The following SEC22C variants were observed in gnomAD, a reference collection of about 807,000 sequenced individuals.
The protein encoded by SEC22C is SEC22 homolog C, vesicle trafficking protein.
A neutral mutation model predicts 34.7 loss-of-function variants in SEC22C; 29 were observed. That is an observed-to-expected ratio of 0.84 (90% CI 0.62 to 1.14). The LOEUF is 1.14. Among genes scored for constraint, SEC22C ranks in the 50% most tolerant of loss-of-function variants. The pLI is 0.00. For synonymous variants in SEC22C, 117 were observed against 132.8 expected (o/e 0.88, Z 0.82); for missense variants, 337 against 369.0 (o/e 0.91, Z 0.71).
intron 1 of SEC22C, among the ~76,000 whole-genome samples, chr3:42,596,829 T>G (rs1041733053): frequency 1.3e-5 from 2 of 152,182 alleles, no homozygotes; most frequent in African/African-American, 2.4e-5. Flanking sequence ...ACATAACCAG[T>G]GGCAGAAAGA....
At chr3:42,562,141 C>A (rs1199952499) in intron 3 of SEC22C, among the ~76,000 whole-genome samples, 1 of 152,134 alleles carries the variant, frequency 6.6e-6, no homozygotes, top group East Asian at 1.9e-4. Flanking sequence ...AAGTTTCATA[C>A]AAACTGGCAA....
chr3:42,562,936 A>C (rs1245823247), intron 3 of SEC22C, among the ~76,000 whole-genome samples: 2 of 152,254 alleles, frequency 1.3e-5, no homozygotes, highest in African/African-American at 4.8e-5. Context: ...TAAAAAAAGC[A>C]ATAAAAAATA....
At chr3:42,592,484 G>A (rs1220544723) in intron 1 of SEC22C, among the ~76,000 whole-genome samples, 1 of 152,142 alleles carries the variant, frequency 6.6e-6, no homozygotes, top group Non-Finnish European at 1.5e-5. Flanking sequence ...ACAGGCATGA[G>A]CCACCACGGC....
intron 1 of SEC22C, among the ~76,000 whole-genome samples, chr3:42,572,109 C>T (rs2125716393): frequency 6.6e-6 from 1 of 151,904 alleles, no homozygotes; most frequent in Non-Finnish European, 1.5e-5. Context: ...AGGAATGACA[C>T]AGCTGTGAGT....
intron 1 of SEC22C, among the ~76,000 whole-genome samples, chr3:42,580,051 C>T (rs747370274): frequency 2.6e-5 from 4 of 152,174 alleles, no homozygotes; most frequent in Non-Finnish European, 4.4e-5. Context: ...AATTTGCCTC[C>T]CTTATTTCCT....
At chr3:42,600,915 C>CGCCCTCGCCCCT (rs1175718521) in intron 1 of SEC22C, 26 of 983,046 alleles carry the variant, frequency 2.6e-5, no homozygotes, top group Admixed American at 3.5e-5. Flanking sequence ...GTCTCAGCCC[C>CGCCCTCGCCCCT]GCCCTCGCCC....
chr3:42,574,357 C>G lies in SEC22C; in HGVS notation c.-27-5284G>C, dbSNP rs1420101653. Among the ~76,000 whole-genome samples the G allele has an allele frequency of 6.3e-5, 8 of 127,398 alleles. No homozygotes were observed. In the East Asian group the frequency reaches 1.5e-3, roughly 23 times the overall value. 83.6% of individuals were successfully genotyped at this position (127,398 alleles called of 152,430 possible). Reference sequence around the variant, plus strand: ...CCAGCCTAGGCAACATAGCAAGACCCTGTCTCAAAAAAAAAAAAAAAAAAA... The same window carrying G: ...CCAGCCTAGGCAACATAGCAAGACCGTGTCTCAAAAAAAAAAAAAAAAAAA... On this transcript the variant is annotated intron_variant, in intron 1 of 6. Coordinates refer to ENST00000264454, the MANE Select transcript of SEC22C (RefSeq NM_032970.4).
chr3:42,583,451 G>A (rs145079123), upstream of SEC22C, among the ~76,000 whole-genome samples: 9 of 152,340 alleles, frequency 5.9e-5, no homozygotes, highest in African/African-American at 2.2e-4. Flanking sequence ...ATGGTGCAGG[G>A]ATTCACAGAT....
chr3:42,593,814 C>G (rs1704943777), intron 1 of SEC22C, among the ~76,000 whole-genome samples: 1 of 152,012 alleles, frequency 6.6e-6, no homozygotes, highest in Non-Finnish European at 1.5e-5. Context: ...GAGTAGAGAC[C>G]TGGGGTAAGG....
chr3:42,560,047 G>C (rs1287319530), intron 4 of SEC22C, among the ~76,000 whole-genome samples: 1 of 150,278 alleles, frequency 6.7e-6, no homozygotes. Context: ...CCAACAAGAA[G>C]AGTGGGGGTT....
Position 42,598,618 on chromosome 3 carries a change from C to T in SEC22C, c.-28+2342G>A, listed in dbSNP as rs774379601. On this transcript the variant is annotated intron_variant, in intron 1 of 6. Transcript: ENST00000417572. ...TGCAGGGATTACAGGTGTGAGCCAC[C>T]GCACCTAGCCTACAAGAACAAATAT... Among the ~76,000 whole-genome samples the T allele has an allele frequency of 5.3e-5, 8 of 151,976 alleles. No individual in the cohort carries two copies. The South Asian group carries it at 1.2e-3, about 24-fold the overall frequency.
At chr3:42,596,906 A>G (rs1705047601) in intron 1 of SEC22C, among the ~76,000 whole-genome samples, 1 of 152,232 alleles carries the variant, frequency 6.6e-6, no homozygotes, top group Non-Finnish European at 1.5e-5. Flanking sequence ...TATATCCCAA[A>G]TTAAATATTT....
chr3:42,590,905 T>C, intron 1 of SEC22C: 1 of 1,454,860 alleles, frequency 6.9e-7, no homozygotes, highest in South Asian at 1.1e-5. Context: ...GGGATGTCGG[T>C]GGCCTTCGTA....
rs201194316 is a variant in SEC22C at position 42,590,978 on chromosome 3, C to G, written c.-28+9982G>C. 6.3e-3 allele frequency: 2,090 copies of G among 331,066 alleles called. 26 individuals carry two copies. Among genetic ancestry groups the G allele is most frequent in the African/African-American group, 0.059 (1,839 of 31,356 alleles). The allele number at this position is 331,066 out of a possible 1,614,324, so 20.5% of individuals were successfully genotyped here. A position where few individuals can be genotyped will look rare whatever the true frequency, so the allele number is the denominator to read the frequency against. ...AGACTATCCAGCGGGTGAGCATCCA[C>G]GCGGGCGGGCGGGCGGGCGGAGAGA... is the stretch of plus-strand genomic sequence containing the variant. On this transcript the variant is annotated intron_variant, in intron 1 of 6. Transcript: ENST00000417572.
chr3:42,557,503 A>G (rs552407949), intron 5 of SEC22C, 75 bp downstream of exon 5: 51 of 624,116 alleles, frequency 8.2e-5, no homozygotes, highest in Admixed American at 1.1e-4. Flanking sequence ...TTTTATAGAT[A>G]AAATGTATCC....
intron 4 of SEC22C, among the ~76,000 whole-genome samples, chr3:42,558,565 T>C (rs1268425414): frequency 1.3e-5 from 2 of 149,516 alleles, no homozygotes; most frequent in Admixed American, 1.3e-4. Context: ...GGTGAGAGGA[T>C]CACTTGAACT....
chr3:42,555,102 T>C (rs1299130312), intron 6 of SEC22C, among the ~76,000 whole-genome samples: 3 of 152,016 alleles, frequency 2.0e-5, no homozygotes, highest in African/African-American at 7.2e-5. Flanking sequence ...TCCCAGCACT[T>C]TGGGCGGCCG....
chr3:42,561,277 C>A lies in SEC22C; in HGVS notation c.366G>T (p.Val122=), dbSNP rs773247329. The change falls in exon 4 of 7, where the codon GTG becomes GTT. Residue 122 remains valine, a synonymous_variant. Coordinates refer to ENST00000264454, the MANE Select transcript of SEC22C (RefSeq NM_032970.4). ...AACTTACATAGTTAAAATGCCACTT[C>A]ACTTTCTGAATGATGCTGTCTGCAA... ...FLEFDSIIQK[V]KWHFNYVSSS... The A allele has an allele frequency of 6.2e-7, 1 of 1,614,088 alleles. No homozygotes were observed. Among genetic ancestry groups the A allele is most frequent in the Non-Finnish European group, 8.5e-7 (1 of 1,180,028 alleles).
intron 2 of SEC22C, chr3:42,566,779 G>A (rs1230258226): frequency 2.6e-6 from 1 of 381,246 alleles, no homozygotes; most frequent in South Asian, 2.0e-5. Context: ...CAAGGCGGGA[G>A]GATCACTTGA....
Sources: allele counts gnomAD v4.1 joint callset (sites outside exome capture counted in the v4.1 genomes callset), GRCh38; gene constraint gnomAD v4.1.1; transcripts MANE v1.5; gene names NCBI Gene and HGNC (gene_info 2026-07-23, HGNC 2026-07-21).